Variants in GRM5 observed in about 807,000 individuals in gnomAD.
GRM5 encodes metabotropic glutamate receptor 5.
A neutral mutation model predicts 83.1 loss-of-function variants in GRM5; 19 were observed. That is an observed-to-expected ratio of 0.23 (90% CI 0.16 to 0.34). The LOEUF (loss-of-function observed/expected upper bound fraction) is 0.34, where lower values mean the gene tolerates loss of function less well. GRM5 is among the 10% of genes least tolerant of loss of function. GRM5 has a pLI of 1.00. For missense variants in GRM5, 1,160 were observed against 1,588.3 expected (o/e 0.73, Z 4.58); for synonymous variants, 675 against 633.6 (o/e 1.07, Z -0.98).
At chr11:88,995,464 G>A (rs994935399) in intron 2 of GRM5, among the ~76,000 whole-genome samples, 2 of 142,244 alleles carry the variant, frequency 1.4e-5, no homozygotes, top group Non-Finnish European at 1.5e-5. Flanking sequence ...AGAATCACTT[G>A]AACCCGGGAG....
intron 2 of GRM5, among the ~76,000 whole-genome samples, chr11:88,914,065 C>A (rs139212469): frequency 5.9e-5 from 9 of 152,278 alleles, no homozygotes; most frequent in Non-Finnish European, 1.2e-4. Flanking sequence ...CTTGCCAATG[C>A]TCTGATAAAT....
intron 7 of GRM5, among the ~76,000 whole-genome samples, chr11:88,585,909 C>T (rs1416251480): frequency 1.3e-5 from 2 of 152,034 alleles, no homozygotes; most frequent in South Asian, 2.1e-4. Flanking sequence ...ATGTTCTGAC[C>T]TCATCCTCCA....
At chr11:88,687,536 A>ATTATATATATAT (rs1208248209) in intron 3 of GRM5, among the ~76,000 whole-genome samples, 1 of 16,098 alleles carries the variant, frequency 6.2e-5, no homozygotes, top group Admixed American at 1.1e-3. Context: ...ATACATATAT[A>ATTATATATATAT]TACACACACA....
chr11:89,053,618 C>T (rs1316855141), intron 1 of GRM5, among the ~76,000 whole-genome samples: 3 of 150,456 alleles, frequency 2.0e-5, no homozygotes, highest in Non-Finnish European at 4.4e-5. Context: ...AGAGGGTTTG[C>T]GAGACAAGAA....
intron 2 of GRM5, among the ~76,000 whole-genome samples, chr11:89,016,840 A>G (rs1940869837): frequency 6.6e-6 from 1 of 152,152 alleles, no homozygotes; most frequent in African/African-American, 2.4e-5. Flanking sequence ...TTCCTAAAGT[A>G]AATACTGTTT....
intron 8 of GRM5, among the ~76,000 whole-genome samples, chr11:88,561,830 C>T (rs370564343): frequency 8.6e-5 from 13 of 151,992 alleles, no homozygotes; most frequent in Admixed American, 7.2e-4. Context: ...TGGCTGATTC[C>T]GGGCCCTTTT....
chr11:88,900,562 C>T (rs1361010415), intron 2 of GRM5, among the ~76,000 whole-genome samples: 2 of 152,066 alleles, frequency 1.3e-5, no homozygotes, highest in Non-Finnish European at 2.9e-5. Context: ...TAAATCTACA[C>T]AGTCATAATT....
intron 2 of GRM5, among the ~76,000 whole-genome samples, chr11:89,022,054 G>A (rs1369322805): frequency 6.6e-6 from 1 of 152,090 alleles, no homozygotes; most frequent in Admixed American, 6.5e-5. Context: ...CCTGGGAGGG[G>A]CTGGTGAAAT....
chr11:88,941,073 T>A (rs1319577061), intron 2 of GRM5, among the ~76,000 whole-genome samples: 3 of 151,898 alleles, frequency 2.0e-5, no homozygotes, highest in African/African-American at 7.2e-5. Flanking sequence ...TAAACAAAGA[T>A]CTTTTATACT....
intron 2 of GRM5, among the ~76,000 whole-genome samples, chr11:88,872,307 T>C (rs1944782963): frequency 6.6e-6 from 1 of 151,640 alleles, no homozygotes; most frequent in Non-Finnish European, 1.5e-5. Context: ...TTCAATCATC[T>C]AAAAATTATA....
intron 3 of GRM5, among the ~76,000 whole-genome samples, chr11:88,740,380 C>T (rs986639037): frequency 6.6e-6 from 1 of 151,770 alleles, no homozygotes; most frequent in Non-Finnish European, 1.5e-5. Context: ...GATGTTTGTT[C>T]AACTAATATT....
chr11:88,977,415 G>A lies in GRM5; in HGVS notation c.661+69797C>T, dbSNP rs1939377652. 2.0e-5 allele frequency among the ~76,000 whole-genome samples: 3 copies of A among 152,086 alleles called. No homozygotes were observed. In the South Asian group the frequency reaches 6.2e-4, roughly 32 times the overall value. ...TTTAGTAGAGACGGGGTTTCACAGT[G>A]CTAGCCAGGATGGTCTCGATCTCCT... On this transcript the variant is annotated intron_variant, in intron 2 of 9. Transcript: ENST00000305447.
chr11:88,897,970 A>T (rs1243563908), intron 2 of GRM5, among the ~76,000 whole-genome samples: 5 of 152,014 alleles, frequency 3.3e-5, no homozygotes, highest in Admixed American at 6.6e-5. Context: ...ATAACAAAAT[A>T]CAATAAAACA....
intron 2 of GRM5, among the ~76,000 whole-genome samples, chr11:88,943,860 A>G (rs1207836566): frequency 1.3e-5 from 2 of 151,994 alleles, no homozygotes; most frequent in Non-Finnish European, 2.9e-5. Context: ...CTACAAATTC[A>G]CATTTTCACT....
intron 4 of GRM5, among the ~76,000 whole-genome samples, chr11:88,649,564 C>T (rs954490789): frequency 8.9e-5 from 13 of 145,800 alleles, no homozygotes; most frequent in African/African-American, 2.3e-4. Flanking sequence ...ATATTGACAC[C>T]GGGGAAACAC....
intron 3 of GRM5, among the ~76,000 whole-genome samples, chr11:88,787,284 A>C (rs1442272041): frequency 6.6e-6 from 1 of 151,958 alleles, no homozygotes; most frequent in Non-Finnish European, 1.5e-5. Flanking sequence ...GTACTATTCA[A>C]AGCAGAGGAT....
chr11:89,022,079 T>C (rs1940998735), intron 2 of GRM5, among the ~76,000 whole-genome samples: 12 of 152,186 alleles, frequency 7.9e-5, no homozygotes, highest in Admixed American at 7.2e-4. Context: ...TTCCCCAGCA[T>C]ATCACATGGG....
At chr11:88,903,207 G>A (rs1945345262) in intron 2 of GRM5, among the ~76,000 whole-genome samples, 1 of 152,044 alleles carries the variant, frequency 6.6e-6, no homozygotes, top group Admixed American at 6.6e-5. Context: ...AGAAAAGCAA[G>A]AGAAAGGACT....
chr11:89,038,509 T>C (rs1941449225), intron 2 of GRM5, among the ~76,000 whole-genome samples: 1 of 152,138 alleles, frequency 6.6e-6, no homozygotes. Context: ...GAGATGTAAA[T>C]AGAAATAACC....
Sources: allele counts gnomAD v4.1 joint callset (sites outside exome capture counted in the v4.1 genomes callset), GRCh38; gene constraint gnomAD v4.1.1; transcripts MANE v1.5; gene names NCBI Gene and HGNC (gene_info 2026-07-23, HGNC 2026-07-21).